Variants in ZNF23 observed in about 807,000 individuals in gnomAD.
ZNF23 encodes the protein zinc finger protein 23.
ZNF23 carries 48 observed loss-of-function variants against 56.2 expected under a neutral mutation model. The observed-to-expected ratio is 0.85, with a 90% CI of 0.68 to 1.09. The LOEUF (loss-of-function observed/expected upper bound fraction) is 1.09. ZNF23 is among the 50% of genes least tolerant of loss of function. The pLI is 0.00. For missense variants in ZNF23, 805 were observed against 811.4 expected (o/e 0.99, Z 0.10); for synonymous variants, 266 against 283.3 (o/e 0.94, Z 0.61).
chr16:71,454,246 G>C, intron 2 of ZNF23, 78 bp from the exon 3 acceptor site: 19 of 1,512,138 alleles, frequency 1.3e-5, no homozygotes, highest in Non-Finnish European at 1.7e-5. Context: ...CGCAGTATAA[G>C]GGCTTGGGGA....
intron 2 of ZNF23, among the ~76,000 whole-genome samples, chr16:71,455,756 G>T (rs1475849790): frequency 6.6e-6 from 1 of 152,144 alleles, no homozygotes; most frequent in Non-Finnish European, 1.5e-5. Flanking sequence ...ATTCTTCTTT[G>T]TGAAGTGGTC....
chr16:71,449,531 T>A lies in ZNF23; in HGVS notation c.623A>T (p.Glu208Val). 6.2e-7 allele frequency: 1 copy of A among 1,614,140 alleles called. No homozygotes were observed. The highest frequency in any genetic ancestry group is 8.5e-7 in the Non-Finnish European group (1 of 1,180,036). ...LVKHEIINSE[E>V]RPFKCEELVE... ...TAATTCTTCACATTTGAAAGGTCTT[T>A]CCTCAGAATTAATTATTTCATGCTT... is the stretch of plus-strand genomic sequence containing the variant. Residue 208 changes from glutamate (E) to valine (V), a missense_variant, in exon 5 of 5, where the codon GAA becomes GTA. Physicochemically the swap from Glu to Val is moderately radical, Grantham distance 121. Coordinates refer to ENST00000647773, the MANE Select transcript of ZNF23 (RefSeq NM_001381984.1).
chr16:71,454,386 C>A (rs554489691), intron 2 of ZNF23, among the ~76,000 whole-genome samples: 1 of 152,296 alleles, frequency 6.6e-6, no homozygotes, highest in Non-Finnish European at 1.5e-5. Context: ...ATTTTTCACA[C>A]AAATAAGAGG....
chr16:71,461,359 G>A (rs1031137933), intron 1 of ZNF23, among the ~76,000 whole-genome samples: 1 of 152,024 alleles, frequency 6.6e-6, no homozygotes, highest in Non-Finnish European at 1.5e-5. Context: ...GTAATACAAA[G>A]AACAGCCAAT....
At chr16:71,457,102 A>G (rs1258973434) in intron 1 of ZNF23, among the ~76,000 whole-genome samples, 2 of 152,138 alleles carry the variant, frequency 1.3e-5, no homozygotes, top group African/African-American at 4.8e-5. Context: ...AAAATAAACA[A>G]ATAAAAATTA....
At chr16:71,450,641 C>A (rs750640664) in intron 4 of ZNF23, 1 of 429,140 alleles carries the variant, frequency 2.3e-6, no homozygotes, top group South Asian at 1.6e-5. Flanking sequence ...ATTGCTCGAA[C>A]CCGGGAAACG....
intron 4 of ZNF23, chr16:71,450,128 T>C (rs1022237790): frequency 2.9e-5 from 10 of 348,694 alleles, no homozygotes; most frequent in Middle Eastern, 7.7e-4. Flanking sequence ...GAAAAACAAG[T>C]TGAAAAAACA....
chr16:71,457,775 A>G (rs1597002949), intron 1 of ZNF23, among the ~76,000 whole-genome samples: 1 of 152,244 alleles, frequency 6.6e-6, no homozygotes, highest in Non-Finnish European at 1.5e-5. Context: ...AGCCTAAAAA[A>G]TAAAGCAAAG....
At chr16:71,457,432 G>A (rs1015614385) in intron 1 of ZNF23, among the ~76,000 whole-genome samples, 13 of 152,266 alleles carry the variant, frequency 8.5e-5, no homozygotes, top group East Asian at 3.9e-4. Flanking sequence ...GCGTGCTGGC[G>A]GGCGCCTGTA....
chr16:71,451,389 C>T (rs949025532), intron 4 of ZNF23: 1 of 152,182 alleles, frequency 6.6e-6, no homozygotes, highest in African/African-American at 2.4e-5. Flanking sequence ...ATACTGGTCT[C>T]TTCCCAACTA....
Position 71,449,844 on chromosome 16 carries a change from C to A in ZNF23, c.310G>T (p.Glu104Ter), listed in dbSNP as rs1465665624. The A allele has an allele frequency of 6.2e-7, 1 of 1,608,578 alleles. No homozygotes were observed. Among genetic ancestry groups the A allele is most frequent in the Admixed American group, 1.7e-5 (1 of 58,878 alleles). ...TCAAATGATACATTCTCTTTTCCTTCATACATTTCCTTTGTCAAATCATTG... is the reference window on the plus strand; with the variant it reads ...TCAAATGATACATTCTCTTTTCCTTAATACATTTCCTTTGTCAAATCATTG... ...TDNDLTKEMY[E>*]GKENVSFELQ... Residue 104 changes from glutamate to a stop codon, truncating the protein, a stop_gained, in exon 5 of 5, where the codon GAA becomes TAA. Coordinates refer to ENST00000647773, the MANE Select transcript of ZNF23 (RefSeq NM_001381984.1). LOFTEE classifies it high-confidence loss of function.
At chr16:71,457,816 T>C (rs769111091) in intron 1 of ZNF23, among the ~76,000 whole-genome samples, 1 of 152,104 alleles carries the variant, frequency 6.6e-6, no homozygotes, top group Non-Finnish European at 1.5e-5. Context: ...TTTCAAGAAA[T>C]AGGACAATAC....
rs200254380 is a variant in ZNF23 at position 71,449,474 on chromosome 16, A to G, written c.680T>C (p.Ile227Thr). ...VEPFRCDSQL[I>T]QHQENNTEEK... ...CTCAGTGTTGTTCTCTTGATGTTGA[A>G]TAAGTTGAGAGTCACACCTAAAGGG... The change falls in exon 5 of 5, where the codon ATT becomes ACT. Residue 227 changes from isoleucine (I) to threonine (T), a missense_variant. By Grantham distance (89) the Ile-to-Thr change is moderately conservative. Coordinates refer to ENST00000647773, the MANE Select transcript of ZNF23 (RefSeq NM_001381984.1). 4 of 1,614,202 alleles carry G rather than the reference A, an allele frequency of 2.5e-6. No individual in the cohort carries two copies. Among genetic ancestry groups the G allele is most frequent in the Admixed American group, 3.3e-5 (2 of 60,034 alleles).
At chr16:71,458,072 C>G (rs896323887) in intron 1 of ZNF23, among the ~76,000 whole-genome samples, 1 of 152,152 alleles carries the variant, frequency 6.6e-6, no homozygotes, top group Non-Finnish European at 1.5e-5. Flanking sequence ...CTAAGGACAG[C>G]ACAGGCTGTC....
chr16:71,449,677 G>T lies in ZNF23; in HGVS notation c.477C>A (p.Pro159=). The T allele has an allele frequency of 6.2e-7, 1 of 1,613,620 alleles. No homozygotes were observed. Among genetic ancestry groups the T allele is most frequent in the Non-Finnish European group, 8.5e-7 (1 of 1,179,994 alleles). ...IDGTVKDETS[P]VEECFFSQSS... is the part of the protein sequence containing the mutation. ...TTTGACTAAAAAAACACTCCTCCAC[G>T]GGGCTTGTCTCATCTTTCACTGTTC... is the stretch of plus-strand genomic sequence containing the variant. Residue 159 remains proline, a synonymous_variant, in exon 5 of 5, where the codon CCC becomes CCA. Transcript: ENST00000647773.
chr16:71,451,746 C>T (rs558937873), intron 4 of ZNF23: 41 of 152,320 alleles, frequency 2.7e-4, no homozygotes, highest in African/African-American at 8.9e-4. Context: ...CTGACTAAGA[C>T]ATCTATACTA....
chr16:71,450,040 A>G, intron 4 of ZNF23, 155 bp from the exon 5 acceptor site: 1 of 535,196 alleles, frequency 1.9e-6, no homozygotes, highest in South Asian at 3.5e-5. Context: ...GGGATAAGTA[A>G]TTTGTAACTA....
At chr16:71,449,935 AAAG>A in intron 4 of ZNF23, 50 bp from the exon 5 acceptor site, 1 of 1,445,942 alleles carries the variant, frequency 6.9e-7, no homozygotes. Flanking sequence ...ATGTTAGGAA[AAAG>A]AAGAGAACTG....
Position 71,456,806 on chromosome 16 carries a change from C to T in ZNF23, c.-10G>A. The T allele has an allele frequency of 4.1e-6, 4 of 985,912 alleles. No individual in the cohort carries two copies. The highest frequency in any genetic ancestry group is 3.6e-6 in the Non-Finnish European group (3 of 829,998). 61.1% of individuals were successfully genotyped at this position (985,912 alleles called of 1,614,324 possible). A position where few individuals can be genotyped will look rare whatever the true frequency, so the allele number is the denominator to read the frequency against. ...GGTGCATGGCTGCCATCCCCTGGTC[C>T]CCGTCTCAGAGAAGGGCTGGAGCTA... On this transcript the variant is annotated 5_prime_UTR_variant, in exon 2 of 5. Coordinates refer to ENST00000647773, the MANE Select transcript of ZNF23 (RefSeq NM_001381984.1).
Sources: gnomAD v4.1 joint callset for allele counts (sites outside exome capture counted in the v4.1 genomes callset) on GRCh38, gnomAD v4.1.1 for gene constraint, MANE v1.5 for transcripts, NCBI Gene and HGNC (gene_info 2026-07-23, HGNC 2026-07-21) for gene names.